MYRF: variants seen among roughly 807,000 people sequenced by gnomAD.
MYRF encodes the protein myelin regulatory factor, also known as myelin gene regulatory factor.
MYRF carries 16 observed loss-of-function variants against 126.3 expected under a neutral mutation model. The ratio of observed to expected loss-of-function variants is 0.13; its 90% confidence interval spans 0.09 to 0.19. The LOEUF (loss-of-function observed/expected upper bound fraction) is 0.19. MYRF is among the 10% of genes least tolerant of loss of function. MYRF has a pLI of 1.00. For synonymous variants in MYRF, 608 were observed against 635.3 expected (o/e 0.96, Z 0.65); for missense variants, 1,104 against 1,547.0 (o/e 0.71, Z 4.80).
intron 22 of MYRF, 32 bp downstream of exon 22, chr11:61,781,856 C>T (rs771976342): frequency 6.6e-7 from 1 of 1,505,544 alleles, no homozygotes; most frequent in Non-Finnish European, 8.8e-7. Flanking sequence ...CTACCCAGCC[C>T]AGCCTGGCAA....
At chr11:61,761,268 G>C (rs113475641) in intron 1 of MYRF, among the ~76,000 whole-genome samples, 1 of 151,476 alleles carries the variant, frequency 6.6e-6, no homozygotes, top group Admixed American at 6.6e-5. Context: ...GTGGGGGGGG[G>C]GGCACATAAG....
At position 61,777,144 on chromosome 11, in the gene MYRF, G is replaced by A. The variant is rs2066406403; in HGVS notation, c.1591-120G>A. The A allele has an allele frequency of 9.3e-7, 1 of 1,072,440 alleles. No individual in the cohort carries two copies. Among genetic ancestry groups the A allele is most frequent in the African/African-American group, 1.6e-5 (1 of 63,574 alleles). The allele number at this position is 1,072,440 out of a possible 1,614,324, so 66.4% of individuals were successfully genotyped here. ...GGGAGGGACAGTTCAAGTTGGGCTTGGTGCAGTGAGAAACCCTGGCTGGAA... is the reference window on the plus strand; with the variant it reads ...GGGAGGGACAGTTCAAGTTGGGCTTAGTGCAGTGAGAAACCCTGGCTGGAA... On this transcript the variant is annotated intron_variant, in intron 11 of 26. Transcript: ENST00000278836. This position sits in a 1 kb window ranked among gnomAD's most constrained non-coding sequence, Gnocchi z 8.8.
intron 1 of MYRF, among the ~76,000 whole-genome samples, chr11:61,760,694 C>T (rs996715936): frequency 3.3e-5 from 5 of 152,124 alleles, no homozygotes; most frequent in Non-Finnish European, 5.9e-5. Flanking sequence ...ACCCTGACTG[C>T]GGAATGGCCT....
chr11:61,765,318 T>A (rs1268508686), intron 1 of MYRF, among the ~76,000 whole-genome samples: 1 of 152,202 alleles, frequency 6.6e-6, no homozygotes, highest in Admixed American at 6.5e-5. Flanking sequence ...TTGTTCCCTG[T>A]CACACAGCTA....
rs1327905587 is a variant in MYRF at position 61,752,810 on chromosome 11, C to T, written c.46+20C>T. ...TCGAAGGTGAGAGACCGCGGGCTGG[C>T]GGCGGCGACCCTCTGGCGCTGGGAA... On this transcript the variant is annotated intron_variant, in intron 1 of 26. Transcript: ENST00000278836. 1 of 1,483,928 alleles carries T rather than the reference C, an allele frequency of 6.7e-7. No homozygotes were observed. The allele number at this position is 1,483,928 out of a possible 1,614,324, so 91.9% of individuals were successfully genotyped here.
In MYRF at chr11:61,781,661, T is replaced by A; in HGVS notation, c.2853T>A (p.His951Gln). The A allele has an allele frequency of 1.2e-6, 2 of 1,613,756 alleles. No homozygotes were observed. The highest frequency in any genetic ancestry group is 1.7e-6 in the Non-Finnish European group (2 of 1,180,014). ...LSVNGIGHSKHHKSLEPLASP... is the reference protein window; with the variant it reads ...LSVNGIGHSKQHKSLEPLASP... ...TCAATGGCATTGGCCACTCCAAGCA[T>A]CACAAGAGTCTGGAGCCTCTGGCCA... Residue 951 changes from histidine (H) to glutamine (Q), a missense_variant, in exon 22 of 27, where the codon CAT becomes CAA. Coordinates refer to ENST00000278836, the MANE Select transcript of MYRF (RefSeq NM_001127392.3).
Position 61,771,898 on chromosome 11 carries a change from A to G in MYRF, c.1061A>G (p.Gln354Arg). 2 of 1,614,146 alleles carry G rather than the reference A, an allele frequency of 1.2e-6. No individual in the cohort carries two copies. The highest frequency in any genetic ancestry group is 1.7e-6 in the Non-Finnish European group (2 of 1,180,016). ...LDPNYQSIKW[Q>R]PHQQNKWATL... ...CCCAACTACCAGTCCATCAAGTGGC[A>G]GCCTCATCAGCAGAACAAGTGGGCG... is the stretch of plus-strand genomic sequence containing the variant. The change falls in exon 7 of 27, where the codon CAG (glutamine) becomes CGG (arginine). Residue 354 changes from glutamine (Q) to arginine (R), a missense_variant. This residue lies in a region of MYRF where 87 missense variants were observed against 129.2 expected (regional missense o/e 0.67). Coordinates refer to ENST00000278836, the MANE Select transcript of MYRF (RefSeq NM_001127392.3).
chr11:61,762,294 T>C (rs1048190291), intron 1 of MYRF, among the ~76,000 whole-genome samples: 4 of 151,974 alleles, frequency 2.6e-5, no homozygotes, highest in Admixed American at 6.5e-5. Flanking sequence ...GCTCCGGGTG[T>C]CTCCCCAGCA....
chr11:61,765,896 C>A, intron 2 of MYRF, 62 bp from the exon 3 acceptor site: 1 of 1,458,944 alleles, frequency 6.9e-7, no homozygotes, highest in Non-Finnish European at 9.0e-7. Flanking sequence ...AGGGAGGGGG[C>A]GGCTACTTCC....
At position 61,781,933 on chromosome 11, in the gene MYRF, T is replaced by C. The variant is rs1410561568; in HGVS notation, c.3016+109T>C. 6 of 1,326,876 alleles carry C rather than the reference T, an allele frequency of 4.5e-6. No individual in the cohort carries two copies. In the African/African-American group the frequency reaches 8.9e-5, roughly 20 times the overall value. 82.2% of individuals were successfully genotyped at this position (1,326,876 alleles called of 1,614,324 possible). Reference sequence around the variant, plus strand: ...GTCTGGGTTCAGACTTGTCAGTCAATAGACGTTTGCTGAGCACAGAATAAG... The same window carrying C: ...GTCTGGGTTCAGACTTGTCAGTCAACAGACGTTTGCTGAGCACAGAATAAG... On this transcript the variant is annotated intron_variant, in intron 22 of 26. Coordinates refer to ENST00000278836, the MANE Select transcript of MYRF (RefSeq NM_001127392.3).
At chr11:61,759,895 C>T (rs898947652) in intron 1 of MYRF, among the ~76,000 whole-genome samples, 1 of 152,112 alleles carries the variant, frequency 6.6e-6, no homozygotes, top group African/African-American at 2.4e-5. Flanking sequence ...CACAAGCAAA[C>T]ATCTGACCTG....
Position 61,780,206 on chromosome 11 carries a change from T to G in MYRF, c.2337-16T>G, listed in dbSNP as rs1345486908. The G allele has an allele frequency of 6.2e-7, 1 of 1,613,528 alleles. No homozygotes were observed. Among genetic ancestry groups the G allele is most frequent in the Admixed American group, 1.7e-5 (1 of 59,988 alleles). ...GTGGCTCCAGCTCTAACGGTCACCC[T>G]TTTCTGTGGCTCCAGCGTGGTGTCC... On this transcript the variant is annotated splice_polypyrimidine_tract_variant and intron_variant, in intron 17 of 26. Transcript: ENST00000278836.
At chr11:61,754,669 C>A (rs1015423100) in intron 1 of MYRF, among the ~76,000 whole-genome samples, 1 of 151,748 alleles carries the variant, frequency 6.6e-6, no homozygotes, top group African/African-American at 2.4e-5. Flanking sequence ...GCTGACGCCA[C>A]GGCTTAGCCA....
rs1022979622 is a variant in MYRF at position 61,786,174 on chromosome 11, G to A, written c.*31G>A. On this transcript the variant is annotated 3_prime_UTR_variant, in exon 27 of 27. Transcript: ENST00000278836. The surrounding 1 kb of genome is among the most constrained non-coding windows in gnomAD (Gnocchi z 4.5). ...CCTCCTGAGGCAGCACCACACCAGG[G>A]ACCAGGGGTGCCCAGGCACCCCCCA... 1 of 1,604,604 alleles carries A rather than the reference G, an allele frequency of 6.2e-7. No individual in the cohort carries two copies. The highest frequency in any genetic ancestry group is 8.5e-7 in the Non-Finnish European group (1 of 1,171,528).
intron 21 of MYRF, 121 bp downstream of exon 21, chr11:61,781,450 G>C: frequency 1.3e-6 from 2 of 1,539,830 alleles, no homozygotes; most frequent in South Asian, 2.5e-5. Flanking sequence ...CAATGACTGG[G>C]AAGTTCCCCT....
At chr11:61,782,476 T>G (rs1323688699) in intron 22 of MYRF, 1 of 152,268 alleles carries the variant, frequency 6.6e-6, no homozygotes, top group Non-Finnish European at 1.5e-5. Flanking sequence ...GGGAGATGTT[T>G]GCCAGGCACC....
At position 61,773,960 on chromosome 11, in the gene MYRF, C is replaced by T; in HGVS notation, c.1116-7C>T. ...CCTCAGGGGAGTGCCCTCACCCGCC[C>T]CCCCAGGCCCATGCTCACCTACCGC... is the stretch of plus-strand genomic sequence containing the variant. On this transcript the variant is annotated splice_region_variant and splice_polypyrimidine_tract_variant and intron_variant, in intron 7 of 26. Transcript: ENST00000278836. 1.2e-6 allele frequency: 2 copies of T among 1,600,672 alleles called. No homozygotes were observed. Among genetic ancestry groups the T allele is most frequent in the Non-Finnish European group, 1.7e-6 (2 of 1,172,944 alleles).
At position 61,757,301 on chromosome 11, in the gene MYRF, C is replaced by T; in HGVS notation, c.46+4511C>T. 3 of 456,580 alleles carry T rather than the reference C, an allele frequency of 6.6e-6. No homozygotes were observed. The highest frequency in any genetic ancestry group is 1.3e-5 in the Non-Finnish European group (3 of 226,920). The allele number at this position is 456,580 out of a possible 1,614,324, so 28.3% of individuals were successfully genotyped here. On this transcript the variant is annotated intron_variant, in intron 1 of 26. Coordinates refer to ENST00000278836, the MANE Select transcript of MYRF (RefSeq NM_001127392.3). The surrounding 1 kb of genome is among the most constrained non-coding windows in gnomAD (Gnocchi z 4.7). ...GCAGCTGGGGTCTGTTCCTAGCTCT[C>T]CTGCTTACCCACAGTGCTTCTCTTG...
Position 61,769,230 on chromosome 11 carries a change from C to A in MYRF, c.399-30C>A, listed in dbSNP as rs751631397. The A allele has an allele frequency of 3.5e-6, 5 of 1,438,958 alleles. No homozygotes were observed. In the East Asian group the frequency reaches 9.8e-5, roughly 28 times the overall value. 89.1% of individuals were successfully genotyped at this position (1,438,958 alleles called of 1,614,324 possible). ...TGGAAGGCAGAAGCTCAGCTGCTCA[C>A]CCCCCGGCCCCTTCCCCTGGCTCTC... is the stretch of plus-strand genomic sequence containing the variant. On this transcript the variant is annotated intron_variant, in intron 3 of 26. Transcript: ENST00000278836.
Sources: gnomAD v4.1 joint callset for allele counts (sites outside exome capture counted in the v4.1 genomes callset) on GRCh38, gnomAD v4.1.1 for gene constraint, gnomAD v4.1.1 regional missense constraint, Gnocchi (gnomAD v3.1) non-coding constraint, MANE v1.5 for transcripts, NCBI Gene and HGNC (gene_info 2026-07-23, HGNC 2026-07-21) for gene names.